ITGBL1: variants seen among roughly 807,000 people sequenced by gnomAD.
ITGBL1 encodes integrin subunit beta like 1.
A neutral mutation model predicts 68.5 loss-of-function variants in ITGBL1; 51 were observed. That is an observed-to-expected ratio of 0.74 (90% CI 0.59 to 0.94). ITGBL1 has a LOEUF of 0.94. ITGBL1 is among the 40% of genes least tolerant of loss of function. The pLI, the probability that ITGBL1 is intolerant of heterozygous loss-of-function variation, is 0.00. For synonymous variants in ITGBL1, 209 were observed against 227.3 expected, an observed-to-expected ratio of 0.92 and a Z score of 0.72; for missense variants, 649 against 647.4, an observed-to-expected ratio of 1.00 and a Z score of -0.03.
chr13:101,524,466 G>GA (rs2049339169), intron 2 of ITGBL1, among the ~76,000 whole-genome samples: 1 of 151,016 alleles, frequency 6.6e-6, no homozygotes, highest in Non-Finnish European at 1.5e-5. Flanking sequence ...AGTAGACTGT[G>GA]AAAAAAATGA....
intron 7 of ITGBL1, among the ~76,000 whole-genome samples, chr13:101,613,856 T>C (rs1032957118): frequency 6.6e-6 from 1 of 152,120 alleles, no homozygotes; most frequent in Non-Finnish European, 1.5e-5. Flanking sequence ...ACATGAAGAC[T>C]CACCACTCTG....
chr13:101,602,248 A>G (rs1755285434), intron 7 of ITGBL1, among the ~76,000 whole-genome samples: 1 of 152,064 alleles, frequency 6.6e-6, no homozygotes, highest in African/African-American at 2.4e-5. Context: ...TCATTGTATA[A>G]ACAAATAGCT....
At chr13:101,536,497 G>A (rs560833191) in intron 2 of ITGBL1, among the ~76,000 whole-genome samples, 84 of 152,118 alleles carry the variant, frequency 5.5e-4, no homozygotes, top group African/African-American at 1.8e-3. Context: ...AAGCTGAGTA[G>A]TATTGTAGAA....
At chr13:101,638,731 T>G (rs2139425239) in intron 7 of ITGBL1, among the ~76,000 whole-genome samples, 1 of 152,298 alleles carries the variant, frequency 6.6e-6, no homozygotes, top group Middle Eastern at 3.4e-3. Flanking sequence ...TATCTCCCAC[T>G]GGGTCCCTCC....
chr13:101,492,811 T>G (rs1311435098), intron 2 of ITGBL1, among the ~76,000 whole-genome samples: 1 of 152,206 alleles, frequency 6.6e-6, no homozygotes, highest in East Asian at 1.9e-4. Flanking sequence ...ATTGTCTCAC[T>G]GTACAATCCT....
intron 2 of ITGBL1, among the ~76,000 whole-genome samples, chr13:101,547,035 T>G (rs1218438889): frequency 6.6e-6 from 1 of 151,888 alleles, no homozygotes; most frequent in Non-Finnish European, 1.5e-5. Context: ...ACTAAAAATA[T>G]CTCTTGGAAA....
intron 7 of ITGBL1, among the ~76,000 whole-genome samples, chr13:101,605,515 C>T (rs1242961128): frequency 5.6e-5 from 3 of 53,408 alleles, no homozygotes; most frequent in African/African-American, 2.3e-4. Context: ...TGCGTATACA[C>T]ATATAGACAT....
intron 2 of ITGBL1, among the ~76,000 whole-genome samples, chr13:101,471,032 T>C (rs1369057852): frequency 2.6e-5 from 4 of 152,230 alleles, no homozygotes; most frequent in African/African-American, 9.6e-5. Flanking sequence ...AGTTACACCA[T>C]TTAGTACAGT....
intron 2 of ITGBL1, among the ~76,000 whole-genome samples, chr13:101,531,606 T>A (rs1277587731): frequency 7.5e-6 from 1 of 134,092 alleles, no homozygotes; most frequent in Non-Finnish European, 1.6e-5. Flanking sequence ...ATAGCGTATT[T>A]TTTGGGGGGA....
chr13:101,488,422 C>T (rs988885046), intron 2 of ITGBL1, among the ~76,000 whole-genome samples: 1 of 152,180 alleles, frequency 6.6e-6, no homozygotes, highest in Non-Finnish European at 1.5e-5. Context: ...GCTTAGCTTT[C>T]CCACGTTCAC....
At chr13:101,699,942 C>T (rs761038277) in intron 8 of ITGBL1, among the ~76,000 whole-genome samples, 15 of 152,210 alleles carry the variant, frequency 9.9e-5, no homozygotes, top group Non-Finnish European at 2.1e-4. Flanking sequence ...CATGAGACAA[C>T]ACAATCTTAG....
At chr13:101,707,224 G>A (rs1286210352) in intron 9 of ITGBL1, among the ~76,000 whole-genome samples, 2 of 152,058 alleles carry the variant, frequency 1.3e-5, no homozygotes, top group Non-Finnish European at 2.9e-5. Context: ...GGGAAAAAAG[G>A]CAAAAGAATG....
Position 101,617,927 on chromosome 13 carries a change from TC to T in ITGBL1, c.1015+19630del, listed in dbSNP as rs202135123. ...ACAGTGGTTTGTTGATATTGAATGA[TC>T]CAGGGCCTACCTCCTGGGCTTAGAA... On this transcript the variant is annotated intron_variant, in intron 7 of 10. Transcript: ENST00000376180. 7.9e-3 allele frequency among the ~76,000 whole-genome samples: 1,199 copies of T among 152,300 alleles called. 8 individuals carry two copies. Among genetic ancestry groups the T allele is most frequent in the South Asian group, 0.014 (68 of 4,820 alleles).
chr13:101,614,114 T>C (rs1048516062), intron 7 of ITGBL1, among the ~76,000 whole-genome samples: 1 of 152,026 alleles, frequency 6.6e-6, no homozygotes, highest in Admixed American at 6.6e-5. Flanking sequence ...TCTTGAACAA[T>C]GAACCACCTT....
At chr13:101,689,930 G>T (rs771068288) in intron 7 of ITGBL1, among the ~76,000 whole-genome samples, 4 of 152,000 alleles carry the variant, frequency 2.6e-5, no homozygotes, top group Non-Finnish European at 5.9e-5. Context: ...TCATCCTATT[G>T]TGCTACCAAA....
chr13:101,553,936 A>C (rs1566729382), intron 2 of ITGBL1, among the ~76,000 whole-genome samples: 1 of 151,830 alleles, frequency 6.6e-6, no homozygotes, highest in Non-Finnish European at 1.5e-5. Flanking sequence ...CACCACACTC[A>C]GCTAATTTTG....
intron 2 of ITGBL1, among the ~76,000 whole-genome samples, chr13:101,465,522 A>C (rs896718262): frequency 2.0e-5 from 3 of 152,178 alleles, no homozygotes; most frequent in Non-Finnish European, 4.4e-5. Flanking sequence ...GTCACATCTC[A>C]GAAGGAAGAA....
chr13:101,651,382 G>A (rs527801188), intron 7 of ITGBL1, among the ~76,000 whole-genome samples: 75 of 152,152 alleles, frequency 4.9e-4, no homozygotes, highest in African/African-American at 1.6e-3. Context: ...TTTGATTTAC[G>A]TTTCTCTAAT....
intron 7 of ITGBL1, among the ~76,000 whole-genome samples, chr13:101,653,871 T>G (rs1393614946): frequency 9.4e-5 from 13 of 139,028 alleles, no homozygotes; most frequent in Non-Finnish European, 1.9e-4. Context: ...TTGTTTTTTG[T>G]TTTTTTTTTT....
Sources: allele counts gnomAD v4.1 joint callset (sites outside exome capture counted in the v4.1 genomes callset), GRCh38; gene constraint gnomAD v4.1.1; transcripts MANE v1.5; gene names NCBI Gene and HGNC (gene_info 2026-07-23, HGNC 2026-07-21).